CNTN1: variants seen among roughly 807,000 people sequenced by gnomAD.
The protein encoded by CNTN1 is contactin-1.
In CNTN1, 38 loss-of-function variants were observed where a neutral mutation model predicts 126.4. The ratio of observed to expected loss-of-function variants is 0.30; its 90% CI spans 0.23 to 0.39. The LOEUF is 0.39. Among genes scored for constraint, CNTN1 ranks in the 10% least tolerant of loss-of-function variants. The probability of loss-of-function intolerance (pLI) is 1.00; values close to 1 mark genes in which losing one functional copy is unlikely to be tolerated. For missense variants in CNTN1, 1,009 were observed against 1,248.4 expected (o/e 0.81, Z 2.89); for synonymous variants, 413 against 422.6 (o/e 0.98, Z 0.28).
chr12:40,939,882 T>C (rs964597028), intron 12 of CNTN1, among the ~76,000 whole-genome samples: 1 of 152,158 alleles, frequency 6.6e-6, no homozygotes, highest in African/African-American at 2.4e-5. Flanking sequence ...AGTTAGCCTA[T>C]TAAATATTTT....
intron 15 of CNTN1, among the ~76,000 whole-genome samples, chr12:40,976,256 AAAG>A (rs1192182912): frequency 6.6e-6 from 1 of 152,166 alleles, no homozygotes; most frequent in Non-Finnish European, 1.5e-5. Context: ...AAGAAAGAAA[AAAG>A]AAAAACAGAA....
At chr12:40,716,704 G>A (rs1942058938) in intron 1 of CNTN1, among the ~76,000 whole-genome samples, 1 of 152,182 alleles carries the variant, frequency 6.6e-6, no homozygotes, top group Non-Finnish European at 1.5e-5. Context: ...TACTGTAATT[G>A]TAGTTGAAAA....
chr12:40,899,134 A>G (rs1028232912), intron 1 of CNTN1, among the ~76,000 whole-genome samples: 6 of 152,342 alleles, frequency 3.9e-5, no homozygotes, highest in Non-Finnish European at 8.8e-5. Context: ...TTATGCTTAT[A>G]TGTGAGAGCA....
chr12:40,730,905 T>G (rs934717157), intron 1 of CNTN1, among the ~76,000 whole-genome samples: 1 of 152,120 alleles, frequency 6.6e-6, no homozygotes, highest in African/African-American at 2.4e-5. Context: ...CCTTGCAATG[T>G]AAACGTTAAT....
intron 1 of CNTN1, among the ~76,000 whole-genome samples, chr12:40,882,016 G>A (rs1669126203): frequency 6.6e-6 from 1 of 150,876 alleles, no homozygotes; most frequent in African/African-American, 2.4e-5. Flanking sequence ...GGTTTCTTTG[G>A]TGGGGAAGGA....
chr12:41,019,269 C>A (rs1352879305), intron 19 of CNTN1, among the ~76,000 whole-genome samples: 1 of 152,164 alleles, frequency 6.6e-6, no homozygotes, highest in Admixed American at 6.5e-5. Context: ...TACAAGTTAC[C>A]TTCTCACCTT....
At chr12:40,827,704 G>C (rs1000108205) in intron 1 of CNTN1, among the ~76,000 whole-genome samples, 3 of 151,990 alleles carry the variant, frequency 2.0e-5, no homozygotes, top group Non-Finnish European at 4.4e-5. Context: ...TATTTTCCCC[G>C]AGTGGATGTT....
chr12:40,881,846 A>G (rs977691374), intron 1 of CNTN1, among the ~76,000 whole-genome samples: 2 of 151,904 alleles, frequency 1.3e-5, no homozygotes, highest in African/African-American at 4.8e-5. Context: ...CATATCAGTC[A>G]TGTGTAGTTG....
chr12:40,887,343 A>C (rs1944074580), intron 1 of CNTN1, among the ~76,000 whole-genome samples: 1 of 152,226 alleles, frequency 6.6e-6, no homozygotes, highest in South Asian at 2.1e-4. Context: ...CCCATCAAAA[A>C]GTGGGCGAAG....
At chr12:40,715,802 T>C (rs928333612) in intron 1 of CNTN1, among the ~76,000 whole-genome samples, 1 of 152,126 alleles carries the variant, frequency 6.6e-6, no homozygotes, top group Non-Finnish European at 1.5e-5. Flanking sequence ...TCTGTAATAT[T>C]TTAAAAGTCA....
intron 1 of CNTN1, among the ~76,000 whole-genome samples, chr12:40,790,540 C>G (rs73112662): frequency 0.021 from 3,162 of 152,198 alleles, 102 homozygotes; most frequent in African/African-American, 0.07. Flanking sequence ...CCTCATCTCA[C>G]TGCCTGTATG....
intron 1 of CNTN1, among the ~76,000 whole-genome samples, chr12:40,880,700 T>C (rs1305465142): frequency 6.6e-6 from 1 of 152,018 alleles, no homozygotes; most frequent in African/African-American, 2.4e-5. Flanking sequence ...AGGTTTGTAT[T>C]GATACATACG....
rs1300862853 is a variant in CNTN1, at chr12:40,877,832, T to C, written c.-76-30525T>C. On this transcript the variant is annotated intron_variant, in intron 1 of 23. Transcript: ENST00000551295. ...ACAATCAGGATTAAAGCTTGGGAAA[T>C]TGAGAAGTGACCCAAATTTATTATA... Among the ~76,000 whole-genome samples, 4 of 152,080 alleles carry C rather than the reference T, an allele frequency of 2.6e-5. No individual in the cohort carries two copies. The East Asian group carries it at 7.7e-4, about 29-fold the overall frequency.
At chr12:40,849,017 T>C (rs1325803981) in intron 1 of CNTN1, among the ~76,000 whole-genome samples, 1 of 152,130 alleles carries the variant, frequency 6.6e-6, no homozygotes, top group Non-Finnish European at 1.5e-5. Context: ...CCTGTGGAGT[T>C]AAAAGGATCA....
intron 15 of CNTN1, 132 bp from the exon 16 acceptor site, chr12:40,980,777 G>GAAATGCAGAC (rs1947800099): frequency 1.2e-6 from 1 of 815,030 alleles, no homozygotes; most frequent in East Asian, 2.4e-5. Flanking sequence ...ATATTTAAAA[G>GAAATGCAGAC]AAATGCAGAC....
At chr12:40,990,385 T>C (rs1263016801) in intron 16 of CNTN1, among the ~76,000 whole-genome samples, 2 of 152,196 alleles carry the variant, frequency 1.3e-5, no homozygotes, top group Non-Finnish European at 2.9e-5. Context: ...GAGAGTTTTA[T>C]GCGTCTTTGG....
At chr12:40,975,178 TTATATATATA>T (rs58939653) in intron 15 of CNTN1, among the ~76,000 whole-genome samples, 229 of 48,644 alleles carry the variant, frequency 4.7e-3, no homozygotes, top group African/African-American at 0.013. Context: ...GTAAAATGGA[TTATATATATA>T]TATATATATA....
At chr12:41,019,039 T>C (rs1592412980) in intron 19 of CNTN1, among the ~76,000 whole-genome samples, 1 of 152,090 alleles carries the variant, frequency 6.6e-6, no homozygotes, top group East Asian at 1.9e-4. Context: ...GCCTGTAATC[T>C]CAGCTACTCA....
At chr12:40,872,133 A>T (rs1943519997) in intron 1 of CNTN1, among the ~76,000 whole-genome samples, 1 of 151,944 alleles carries the variant, frequency 6.6e-6, no homozygotes, top group Non-Finnish European at 1.5e-5. Flanking sequence ...AATGAATTTT[A>T]AAAAGATCTT....
Sources: gnomAD v4.1 joint callset for allele counts (sites outside exome capture counted in the v4.1 genomes callset) on GRCh38, gnomAD v4.1.1 for gene constraint, MANE v1.5 for transcripts, NCBI Gene and HGNC (gene_info 2026-07-23, HGNC 2026-07-21) for gene names.